Variants in SLCO2B1 observed in about 807,000 individuals in gnomAD.
SLCO2B1 encodes OATP-RP2.
SLCO2B1 carries 41 observed loss-of-function variants against 67.3 expected under a neutral mutation model. That is an observed-to-expected ratio of 0.61 (90% CI 0.47 to 0.79). SLCO2B1 has a LOEUF of 0.79. Ranked by LOEUF, SLCO2B1 falls within the 30% of genes least tolerant of loss-of-function variation. The pLI, the probability that SLCO2B1 is intolerant of heterozygous loss-of-function variation, is 0.00. For missense variants in SLCO2B1, 837 were observed against 920.1 expected (o/e 0.91, Z 1.17); for synonymous variants, 379 against 381.4 (o/e 0.99, Z 0.07).
At chr11:75,194,438 A>G (rs1945071680) in intron 9 of SLCO2B1, among the ~76,000 whole-genome samples, 1 of 152,074 alleles carries the variant, frequency 6.6e-6, no homozygotes, top group Middle Eastern at 3.2e-3. Flanking sequence ...GCCAGCTTTC[A>G]TCACCAGGGG....
chr11:75,163,150 A>ACTGGAG (rs1949843913), intron 2 of SLCO2B1, among the ~76,000 whole-genome samples: 1 of 152,094 alleles, frequency 6.6e-6, no homozygotes, highest in African/African-American at 2.4e-5. Flanking sequence ...TCCAACGTCC[A>ACTGGAG]CTGGAGCCCA....
intron 1 of SLCO2B1, among the ~76,000 whole-genome samples, chr11:75,153,786 A>G (rs1221755601): frequency 1.3e-5 from 2 of 152,178 alleles, no homozygotes; most frequent in African/African-American, 4.8e-5. Flanking sequence ...CTTGTATGCC[A>G]GGTTAGGCAC....
chr11:75,151,841 G>T, intron 1 of SLCO2B1: 1 of 170,820 alleles, frequency 5.9e-6, no homozygotes, highest in Non-Finnish European at 1.2e-5. Context: ...GTATCAGCGA[G>T]AGAATGCAGG....
At chr11:75,202,725 G>A (rs1473726306) in intron 11 of SLCO2B1, 176 bp from the exon 12 acceptor site, 2 of 635,386 alleles carry the variant, frequency 3.1e-6, no homozygotes, top group African/African-American at 3.6e-5. Context: ...AGGCTCTGCA[G>A]GTTGAAAAAG....
intron 8 of SLCO2B1, among the ~76,000 whole-genome samples, chr11:75,192,360 G>A (rs934729766): frequency 5.3e-5 from 8 of 152,152 alleles, no homozygotes; most frequent in East Asian, 3.8e-4. Flanking sequence ...GAAGGCTTAC[G>A]TTCTGGTAGG....
At chr11:75,194,207 G>C (rs1056336199) in intron 9 of SLCO2B1, among the ~76,000 whole-genome samples, 1 of 152,220 alleles carries the variant, frequency 6.6e-6, no homozygotes, top group African/African-American at 2.4e-5. Context: ...CCCTCCGGGA[G>C]GAAGTCTCTT....
At chr11:75,152,983 G>C (rs184921634) in intron 1 of SLCO2B1, among the ~76,000 whole-genome samples, 1 of 152,254 alleles carries the variant, frequency 6.6e-6, no homozygotes, top group East Asian at 1.9e-4. Context: ...GTTCAGATCC[G>C]GCTCCAGCAG....
intron 2 of SLCO2B1, 64 bp downstream of exon 2, chr11:75,162,849 G>C: frequency 6.5e-7 from 1 of 1,549,350 alleles, no homozygotes; most frequent in Non-Finnish European, 8.7e-7. Context: ...ACGTGCTGGT[G>C]GTGTAATGCC....
In SLCO2B1 at chr11:75,204,412, C is replaced by T. The variant is rs139811860; in HGVS notation, c.1962C>T (p.Leu654=). ...NDLLRNRFIG[L]QFFFKTGSVI... ...ATTCTTTCCCCAGGTTCATCGGCCT[C>T]CAGTTCTTCTTCAAAACAGGTTCTG... The change falls in exon 14 of 14, where the codon CTC becomes CTT. Residue 654 remains leucine, a synonymous_variant. Coordinates refer to ENST00000289575, the MANE Select transcript of SLCO2B1 (RefSeq NM_007256.5). 22 of 1,606,432 alleles carry T rather than the reference C, an allele frequency of 1.4e-5. No individual in the cohort carries two copies. In the African/African-American group the frequency reaches 2.7e-4, roughly 20 times the overall value.
At chr11:75,177,162 C>T (rs1950035820) in intron 7 of SLCO2B1, among the ~76,000 whole-genome samples, 1 of 151,250 alleles carries the variant, frequency 6.6e-6, no homozygotes, top group Non-Finnish European at 1.5e-5. Flanking sequence ...GGGCTAAGGG[C>T]CTTCCACCCC....
intron 1 of SLCO2B1, chr11:75,159,936 G>A: frequency 1.1e-6 from 1 of 871,820 alleles, no homozygotes. Context: ...GCAGGTGAGA[G>A]GCCAGGGGGC....
At chr11:75,159,253 C>T (rs531654380) in intron 1 of SLCO2B1, among the ~76,000 whole-genome samples, 3 of 152,348 alleles carry the variant, frequency 2.0e-5, no homozygotes, top group East Asian at 1.9e-4. Context: ...AGACCCATTG[C>T]GGGCCAGCTC....
At chr11:75,200,452 G>A in intron 11 of SLCO2B1, 65 bp downstream of exon 11, 1 of 1,472,780 alleles carries the variant, frequency 6.8e-7, no homozygotes, top group Non-Finnish European at 9.1e-7. Flanking sequence ...GGCAGAACAA[G>A]GAATTCCAAG....
intron 7 of SLCO2B1, among the ~76,000 whole-genome samples, chr11:75,181,464 G>A (rs553359065): frequency 1.3e-5 from 2 of 152,206 alleles, no homozygotes; most frequent in East Asian, 3.9e-4. Flanking sequence ...TCTTTCATGG[G>A]GTGGGAGGAA....
At chr11:75,178,276 A>G (rs189071736) in intron 7 of SLCO2B1, among the ~76,000 whole-genome samples, 228 of 152,266 alleles carry the variant, frequency 1.5e-3, no homozygotes, top group African/African-American at 4.9e-3. Context: ...GGGTATAACC[A>G]TAACATCTGC....
chr11:75,165,260 C>T (rs934409554), intron 3 of SLCO2B1, among the ~76,000 whole-genome samples: 4 of 151,978 alleles, frequency 2.6e-5, no homozygotes, highest in Admixed American at 6.6e-5. Context: ...GGTGAAACCC[C>T]GTCTCTACTA....
intron 6 of SLCO2B1, among the ~76,000 whole-genome samples, chr11:75,170,360 C>T (rs544758244): frequency 6.6e-6 from 1 of 152,250 alleles, no homozygotes; most frequent in African/African-American, 2.4e-5. Flanking sequence ...AGTTTCTGGT[C>T]CAGGCAGTGG....
intron 7 of SLCO2B1, among the ~76,000 whole-genome samples, chr11:75,179,748 T>A (rs1330484777): frequency 6.6e-6 from 1 of 152,178 alleles, no homozygotes; most frequent in Non-Finnish European, 1.5e-5. Context: ...TTTTGTTTTG[T>A]TTTTTTGAAA....
intron 10 of SLCO2B1, among the ~76,000 whole-genome samples, chr11:75,197,200 G>A (rs1945113392): frequency 6.6e-6 from 1 of 152,230 alleles, no homozygotes. Context: ...CTCTGTGCAG[G>A]GGAGATGCAA....
Sources: gnomAD v4.1 joint callset for allele counts (sites outside exome capture counted in the v4.1 genomes callset) on GRCh38, gnomAD v4.1.1 for gene constraint, MANE v1.5 for transcripts, NCBI Gene and HGNC (gene_info 2026-07-23, HGNC 2026-07-21) for gene names.